DGKB: variants seen among roughly 807,000 people sequenced by gnomAD.
The protein encoded by DGKB is diacylglycerol kinase beta, also known as 90 kDa diacylglycerol kinase.
A neutral mutation model predicts 114.3 loss-of-function variants in DGKB; 67 were observed. The ratio of observed to expected loss-of-function variants is 0.59; its 90% CI spans 0.48 to 0.72. The LOEUF (loss-of-function observed/expected upper bound fraction) is 0.72. Among genes scored for constraint, DGKB ranks in the 30% least tolerant of loss-of-function variants. DGKB has a pLI of 0.00. For synonymous variants in DGKB, 398 were observed against 323.1 expected, an observed-to-expected ratio of 1.23 and a Z score of -2.49; for missense variants, 907 against 975.2, an observed-to-expected ratio of 0.93 and a Z score of 0.93.
intron 23 of DGKB, among the ~76,000 whole-genome samples, chr7:14,263,958 GAA>G (rs931355886): frequency 2.6e-5 from 4 of 152,268 alleles, no homozygotes; most frequent in African/African-American, 9.6e-5. Flanking sequence ...CTGGCATTTA[GAA>G]AAAAATCTTT....
intron 21 of DGKB, among the ~76,000 whole-genome samples, chr7:14,465,085 C>T: frequency 6.6e-6 from 1 of 152,088 alleles, no homozygotes; most frequent in East Asian, 1.9e-4. Flanking sequence ...ATGTCTTCTC[C>T]AGTCCTCAGA....
In DGKB at chr7:14,945,263, T is replaced by A. The variant is rs77936244; in HGVS notation, c.-188+29433A>T. Among the ~76,000 whole-genome samples the A allele has an allele frequency of 9.9e-5, 15 of 151,908 alleles. No individual in the cohort carries two copies. The East Asian group carries it at 1.4e-3, about 14-fold the overall frequency. On this transcript the variant is annotated intron_variant, in intron 1 of 4. Transcript: ENST00000437998. Reference sequence around the variant, plus strand: ...TATATATTATATAATTGTGTTTACATGAAACATAAAAGCAGGCAAAACTCA... The same window carrying A: ...TATATATTATATAATTGTGTTTACAAGAAACATAAAAGCAGGCAAAACTCA...
At chr7:14,531,589 A>C (rs1791590350) in intron 20 of DGKB, among the ~76,000 whole-genome samples, 1 of 151,450 alleles carries the variant, frequency 6.6e-6, no homozygotes, top group Non-Finnish European at 1.5e-5. Flanking sequence ...ATGTTCATAG[A>C]TTGGAAAATA....
chr7:14,488,848 A>AC (rs1554469762), intron 20 of DGKB, among the ~76,000 whole-genome samples: 1 of 146,504 alleles, frequency 6.8e-6, no homozygotes, highest in Non-Finnish European at 1.5e-5. Context: ...AAAACAAAAA[A>AC]AAACAAAAAA....
intron 1 of DGKB, among the ~76,000 whole-genome samples, chr7:14,954,767 G>A (rs1436048444): frequency 6.6e-6 from 1 of 152,042 alleles, no homozygotes; most frequent in South Asian, 2.1e-4. Flanking sequence ...ATATAAAATT[G>A]TAGATACCTA....
intron 13 of DGKB, among the ~76,000 whole-genome samples, chr7:14,645,307 A>G (rs1404618): frequency 0.67 from 102,529 of 151,942 alleles, 35,135 homozygotes; most frequent in East Asian, 0.78. Flanking sequence ...GGTCACGGAC[A>G]AGAAACTGGA....
At chr7:14,344,949 A>G (rs1202258415) in intron 22 of DGKB, among the ~76,000 whole-genome samples, 1 of 151,702 alleles carries the variant, frequency 6.6e-6, no homozygotes, top group Non-Finnish European at 1.5e-5. Context: ...CAAGATATTG[A>G]GACCCGAAAA....
At chr7:14,712,371 G>C (rs776067890) in intron 6 of DGKB, among the ~76,000 whole-genome samples, 1 of 152,096 alleles carries the variant, frequency 6.6e-6, no homozygotes, top group Non-Finnish European at 1.5e-5. Context: ...AATGAAGAAC[G>C]CAAGTTTATG....
chr7:14,425,116 T>C (rs1407715105), intron 21 of DGKB, among the ~76,000 whole-genome samples: 1 of 152,132 alleles, frequency 6.6e-6, no homozygotes, highest in African/African-American at 2.4e-5. Context: ...GAAATTTATA[T>C]GATTTTCATT....
At chr7:14,309,252 A>G (rs1052302255) in intron 23 of DGKB, among the ~76,000 whole-genome samples, 1 of 152,168 alleles carries the variant, frequency 6.6e-6, no homozygotes, top group Non-Finnish European at 1.5e-5. Context: ...TTTGTTTGCA[A>G]TCAGAGCCCT....
chr7:14,253,191 T>C (rs1001889205), intron 23 of DGKB, among the ~76,000 whole-genome samples: 3 of 152,078 alleles, frequency 2.0e-5, no homozygotes, highest in African/African-American at 7.2e-5. Flanking sequence ...TGTGCCACCA[T>C]GCTGCACTGA....
intron 23 of DGKB, among the ~76,000 whole-genome samples, chr7:14,233,919 C>T (rs1792325802): frequency 1.3e-5 from 2 of 151,486 alleles, no homozygotes; most frequent in African/African-American, 2.4e-5. Flanking sequence ...TTCCACTTAA[C>T]TAAACAAAGG....
chr7:14,627,947 A>C (rs1040576210), intron 14 of DGKB, among the ~76,000 whole-genome samples: 1 of 36,724 alleles, frequency 2.7e-5, no homozygotes, highest in African/African-American at 7.7e-5. Context: ...TGTCTCAAAA[A>C]AACAAAAAAA....
At chr7:14,715,459 A>T (rs1450496591) in intron 6 of DGKB, among the ~76,000 whole-genome samples, 1 of 152,070 alleles carries the variant, frequency 6.6e-6, no homozygotes, top group East Asian at 1.9e-4. Context: ...TTGTTCATTC[A>T]CAGAGGCTGT....
chr7:14,253,244 A>T (rs1274304253), intron 23 of DGKB, among the ~76,000 whole-genome samples: 1 of 152,020 alleles, frequency 6.6e-6, no homozygotes, highest in African/African-American at 2.4e-5. Flanking sequence ...CATATTGGCC[A>T]GGCTGGTCTC....
intron 13 of DGKB, among the ~76,000 whole-genome samples, chr7:14,632,578 C>T (rs1428752223): frequency 2.0e-5 from 3 of 151,492 alleles, no homozygotes; most frequent in Non-Finnish European, 4.4e-5. Context: ...TCCTTTAACG[C>T]CTAAAAGTGT....
At chr7:14,306,788 A>C (rs1406110505) in intron 23 of DGKB, among the ~76,000 whole-genome samples, 2 of 152,150 alleles carry the variant, frequency 1.3e-5, no homozygotes, top group African/African-American at 4.8e-5. Flanking sequence ...GAAAGAAAGA[A>C]ACAAAAGCTT....
chr7:14,286,790 A>G (rs1170640018), intron 23 of DGKB, among the ~76,000 whole-genome samples: 1 of 152,130 alleles, frequency 6.6e-6, no homozygotes, highest in Non-Finnish European at 1.5e-5. Context: ...GCATATTATA[A>G]CTTAACATAT....
chr7:14,917,012 T>A (rs890880299), intron 1 of DGKB, among the ~76,000 whole-genome samples: 1 of 152,032 alleles, frequency 6.6e-6, no homozygotes, highest in Non-Finnish European at 1.5e-5. Flanking sequence ...ATTTAGAAAT[T>A]AAACAGCATT....
Sources: allele counts gnomAD v4.1 joint callset (sites outside exome capture counted in the v4.1 genomes callset), GRCh38; gene constraint gnomAD v4.1.1; transcripts MANE v1.5; gene names NCBI Gene and HGNC (gene_info 2026-07-23, HGNC 2026-07-21).